Variants in VKORC1L1 observed in about 807,000 individuals in gnomAD.
VKORC1L1 encodes vitamin K epoxide reductase complex subunit 1-like protein 1.
In VKORC1L1, 2 loss-of-function variants were observed where a neutral mutation model predicts 18.9. The observed-to-expected ratio is 0.11, with a 90% CI of 0.04 to 0.33. The LOEUF is 0.33. Among genes scored for constraint, VKORC1L1 ranks in the 10% least tolerant of loss-of-function variants. VKORC1L1 has a pLI of 1.00. For missense variants in VKORC1L1, 123 were observed against 224.1 expected, an observed-to-expected ratio of 0.55 and a Z score of 2.88; for synonymous variants, 96 against 100.0, an observed-to-expected ratio of 0.96 and a Z score of 0.24.
chr7:65,917,651 A>T (rs539203411), intron 1 of VKORC1L1, among the ~76,000 whole-genome samples: 1 of 152,314 alleles, frequency 6.6e-6, no homozygotes, highest in South Asian at 2.1e-4. Flanking sequence ...CTCAGATTCT[A>T]CCATTAACAT....
chr7:65,887,725 A>T (rs1211234829), intron 1 of VKORC1L1, among the ~76,000 whole-genome samples: 1 of 152,234 alleles, frequency 6.6e-6, no homozygotes, highest in Non-Finnish European at 1.5e-5. Context: ...TAGTTCTCAC[A>T]CAAGTGTCTC....
At chr7:65,872,580 G>C (rs1488734442), upstream of VKORC1L1, among the ~76,000 whole-genome samples, 1 of 152,074 alleles carries the variant, frequency 6.6e-6, no homozygotes, top group Admixed American at 6.6e-5. Context: ...CACCTGCCTC[G>C]GCCTCCCAAA....
intron 1 of VKORC1L1, among the ~76,000 whole-genome samples, chr7:65,879,929 G>A (rs1788900195): frequency 6.6e-6 from 1 of 151,146 alleles, no homozygotes; most frequent in Admixed American, 6.6e-5. Flanking sequence ...ATGGCTCACT[G>A]CAGCCTCAAC....
At chr7:65,934,409 T>C (rs1200600902) in intron 1 of VKORC1L1, among the ~76,000 whole-genome samples, 4 of 152,224 alleles carry the variant, frequency 2.6e-5, no homozygotes, top group Admixed American at 1.3e-4. Context: ...TTTATTCTCT[T>C]GGCAGTTTTG....
intron 1 of VKORC1L1, among the ~76,000 whole-genome samples, chr7:65,881,686 C>CAGGAT (rs1788930407): frequency 6.6e-6 from 1 of 152,198 alleles, no homozygotes; most frequent in Non-Finnish European, 1.5e-5. Context: ...CTGGTGAAAC[C>CAGGAT]TGAATAAACT....
chr7:65,909,144 A>ATT (rs58181516), intron 1 of VKORC1L1, among the ~76,000 whole-genome samples: 2 of 122,620 alleles, frequency 1.6e-5, no homozygotes, highest in South Asian at 3.1e-4. Flanking sequence ...GCCCAGCCTA[A>ATT]TTTTTTTTTT....
chr7:65,874,766 A>G (rs1267279924), intron 1 of VKORC1L1, among the ~76,000 whole-genome samples: 1 of 152,116 alleles, frequency 6.6e-6, no homozygotes, highest in Non-Finnish European at 1.5e-5. Context: ...AGACCACACC[A>G]TTGCACCCCA....
intron 1 of VKORC1L1, among the ~76,000 whole-genome samples, chr7:65,927,068 C>G (rs1789777570): frequency 6.6e-6 from 1 of 152,114 alleles, no homozygotes; most frequent in Non-Finnish European, 1.5e-5. Flanking sequence ...GGGCAGATCA[C>G]TTGAGGCCAG....
chr7:65,947,689 T>C (rs1790144725), intron 1 of VKORC1L1, among the ~76,000 whole-genome samples: 1 of 152,046 alleles, frequency 6.6e-6, no homozygotes, highest in Non-Finnish European at 1.5e-5. Context: ...TCTGATATTA[T>C]CCTGCATTTT....
chr7:65,871,446 C>T (rs1398795341), upstream of VKORC1L1, among the ~76,000 whole-genome samples: 4 of 152,142 alleles, frequency 2.6e-5, no homozygotes, highest in Admixed American at 1.3e-4. Flanking sequence ...CTACCCACCT[C>T]GGCCTCCCAA....
At position 65,954,521 on chromosome 7, in the gene VKORC1L1, A is replaced by G; in HGVS notation, c.*221A>G. On this transcript the variant is annotated 3_prime_UTR_variant, in exon 3 of 3. Transcript: ENST00000360768. ...GATACAAAAAGGATACGCCGAGCCA[A>G]TCAAAGACAAGCTTTAACTTTACTT... The G allele has an allele frequency of 1.3e-6, 1 of 773,740 alleles. No homozygotes were observed. Among genetic ancestry groups the G allele is most frequent in the East Asian group, 3.0e-5 (1 of 33,898 alleles). 47.9% of individuals were successfully genotyped at this position (773,740 alleles called of 1,614,324 possible).
At position 65,941,103 on chromosome 7, in the gene VKORC1L1, T is replaced by C. The variant is rs373161015; in HGVS notation, c.195-7568T>C. On this transcript the variant is annotated intron_variant, in intron 1 of 2. Coordinates refer to ENST00000360768, the MANE Select transcript of VKORC1L1 (RefSeq NM_173517.6). ...GGGGCACAGACAGGGGCTAGCAAAGTTCTATTTCTTTTTTTTCTTTTCTTT... is the reference window on the plus strand; with the variant it reads ...GGGGCACAGACAGGGGCTAGCAAAGCTCTATTTCTTTTTTTTCTTTTCTTT... Among the ~76,000 whole-genome samples, 14 of 152,006 alleles carry C rather than the reference T, an allele frequency of 9.2e-5. No homozygotes were observed. In the East Asian group the frequency reaches 1.4e-3, roughly 15 times the overall value.
At chr7:65,894,192 C>G (rs111727929) in intron 1 of VKORC1L1, among the ~76,000 whole-genome samples, 1 of 151,484 alleles carries the variant, frequency 6.6e-6, no homozygotes, top group African/African-American at 2.4e-5. Flanking sequence ...TGACCTCAGG[C>G]GATCCACCTG....
chr7:65,880,727 G>C (rs946658674), intron 1 of VKORC1L1, among the ~76,000 whole-genome samples: 1 of 152,198 alleles, frequency 6.6e-6, no homozygotes, highest in African/African-American at 2.4e-5. Flanking sequence ...GTGGTCATTT[G>C]AGAAGAACAG....
intron 1 of VKORC1L1, among the ~76,000 whole-genome samples, chr7:65,875,542 T>G (rs1331320782): frequency 1.3e-5 from 2 of 151,948 alleles, no homozygotes; most frequent in Non-Finnish European, 2.9e-5. Flanking sequence ...CTCAGCCTCC[T>G]GAGTAGCTGG....
chr7:65,940,375 A>G (rs1790015052), intron 1 of VKORC1L1, among the ~76,000 whole-genome samples: 1 of 152,144 alleles, frequency 6.6e-6, no homozygotes, highest in African/African-American at 2.4e-5. Flanking sequence ...TTATGATAGC[A>G]GAAGAAAGAT....
chr7:65,901,750 G>A (rs1489555782), intron 1 of VKORC1L1, among the ~76,000 whole-genome samples: 1 of 152,148 alleles, frequency 6.6e-6, no homozygotes, highest in Non-Finnish European at 1.5e-5. Flanking sequence ...CCAGTGATAG[G>A]TGGAGGAGTC....
chr7:65,909,986 G>A (rs564654648), intron 1 of VKORC1L1, among the ~76,000 whole-genome samples: 5 of 152,134 alleles, frequency 3.3e-5, no homozygotes, highest in African/African-American at 1.2e-4. Context: ...AAAGTGCTGG[G>A]ATTACAGGCA....
intron 2 of VKORC1L1, among the ~76,000 whole-genome samples, chr7:65,952,689 A>T (rs1216007747): frequency 6.6e-6 from 1 of 151,890 alleles, no homozygotes; most frequent in African/African-American, 2.4e-5. Flanking sequence ...TTGAAAATAA[A>T]TGCACATATT....
Sources: gnomAD v4.1 joint callset for allele counts (sites outside exome capture counted in the v4.1 genomes callset) on GRCh38, gnomAD v4.1.1 for gene constraint, MANE v1.5 for transcripts, NCBI Gene and HGNC (gene_info 2026-07-23, HGNC 2026-07-21) for gene names.